Variants in SRGAP2 observed in about 807,000 individuals in gnomAD.
SRGAP2 encodes SLIT-ROBO Rho GTPase activating protein 2, also known as SLIT-ROBO Rho GTPase-activating protein 2.
SRGAP2 carries 15 observed loss-of-function variants against 57.2 expected under a neutral mutation model. The ratio of observed to expected loss-of-function variants is 0.26; its 90% confidence interval spans 0.18 to 0.40. The LOEUF is 0.40. SRGAP2 is among the 10% of genes least tolerant of loss of function. The pLI is 1.00. For synonymous variants in SRGAP2, 249 were observed against 248.0 expected (o/e 1.00, Z -0.04); for missense variants, 520 against 669.6 (o/e 0.78, Z 2.47).
At chr1:206,284,878 T>A (rs1670933535) in intron 2 of SRGAP2, among the ~76,000 whole-genome samples, 2 of 152,354 alleles carry the variant, frequency 1.3e-5, no homozygotes, top group Non-Finnish European at 2.9e-5. Flanking sequence ...AAAACCACCA[T>A]GGCCTAGATA....
rs544159308 is a variant in SRGAP2, at chr1:206,255,618, G to A, written c.68-47663G>A. The stretch of plus-strand genomic sequence containing the variant: ...CAGATCCTTGACAGGAATTTTGAAT[G>A]GTCCCAAATGTGGTAAATCGCTGGT... On this transcript the variant is annotated intron_variant, in intron 2 of 22. Transcript: ENST00000573034. 1.4e-4 allele frequency among the ~76,000 whole-genome samples: 19 copies of A among 133,538 alleles called. No homozygotes were observed. The East Asian group carries it at 4.3e-3, about 30-fold the overall frequency. 87.6% of individuals were successfully genotyped at this position (133,538 alleles called of 152,430 possible). A position where few individuals can be genotyped will look rare whatever the true frequency, so the allele number is the denominator to read the frequency against.
At chr1:206,312,985 TA>T in intron 3 of SRGAP2, among the ~76,000 whole-genome samples, 1 of 152,354 alleles carries the variant, frequency 6.6e-6, no homozygotes, top group African/African-American at 2.4e-5. Flanking sequence ...AGACTTGCTG[TA>T]AATTACCTTT....
intron 13 of SRGAP2, among the ~76,000 whole-genome samples, chr1:206,424,080 A>G (rs1313198385): frequency 6.7e-6 from 1 of 148,820 alleles, no homozygotes. Flanking sequence ...GGCGTGAGCC[A>G]CCACGCCCGG....
intron 11 of SRGAP2, among the ~76,000 whole-genome samples, chr1:206,418,884 C>CTG (rs1660003619): frequency 9.2e-6 from 1 of 109,094 alleles, no homozygotes; most frequent in South Asian, 3.2e-4. Context: ...GCCTCCAACT[C>CTG]TCTCTGTGTG....
intron 5 of SRGAP2, among the ~76,000 whole-genome samples, chr1:206,384,365 A>G (rs1655984604): frequency 1.3e-5 from 2 of 152,162 alleles, no homozygotes; most frequent in Non-Finnish European, 2.9e-5. Flanking sequence ...CATTGGCACA[A>G]TGGACCCTGT....
At chr1:206,447,738 C>T (rs573940063) in intron 18 of SRGAP2, among the ~76,000 whole-genome samples, 9 of 152,306 alleles carry the variant, frequency 5.9e-5, no homozygotes, top group Admixed American at 1.3e-4. Flanking sequence ...GCAGAACCTC[C>T]GCCCTCACTT....
At chr1:206,261,428 A>C (rs1245609263) in intron 2 of SRGAP2, among the ~76,000 whole-genome samples, 1 of 152,012 alleles carries the variant, frequency 6.6e-6, no homozygotes, top group Non-Finnish European at 1.5e-5. Flanking sequence ...TGACTTGCTA[A>C]TTGTCTTATT....
At chr1:206,207,219 T>A (rs1665995529) in intron 2 of SRGAP2, 1 of 150,668 alleles carries the variant, frequency 6.6e-6, no homozygotes, top group Non-Finnish European at 1.5e-5. Context: ...GGCTCCCCTC[T>A]AATGATTGCT....
At chr1:206,452,136 A>G (rs1175438413) in intron 19 of SRGAP2, among the ~76,000 whole-genome samples, 1 of 152,246 alleles carries the variant, frequency 6.6e-6, no homozygotes, top group Non-Finnish European at 1.5e-5. Flanking sequence ...GCACTTTTAC[A>G]AATTGTAATT....
At chr1:206,278,361 T>A (rs1433534875) in intron 2 of SRGAP2, among the ~76,000 whole-genome samples, 5 of 146,624 alleles carry the variant, frequency 3.4e-5, no homozygotes, top group Non-Finnish European at 7.6e-5. Flanking sequence ...TTTTTTTTTT[T>A]AAAGAGACAA....
At chr1:206,227,144 TCA>T (rs558498283) in intron 2 of SRGAP2, among the ~76,000 whole-genome samples, 2,190 of 151,428 alleles carry the variant, frequency 0.014, 72 homozygotes, top group African/African-American at 0.051. Context: ...GTCATACCAA[TCA>T]CACTATTTTG....
chr1:206,240,934 A>G (rs1235191344), intron 2 of SRGAP2, among the ~76,000 whole-genome samples: 2 of 152,116 alleles, frequency 1.3e-5, no homozygotes, highest in South Asian at 2.1e-4. Context: ...CTGTAATCCC[A>G]CCACTTTGGG....
At position 206,415,806 on chromosome 1, in the gene SRGAP2, GGGAATT is replaced by G; in HGVS notation, c.1357-81_1357-76del. The G allele has an allele frequency of 5.6e-6, 4 of 711,020 alleles. 1 individual carries two copies. The South Asian group carries it at 5.9e-5, about 11-fold the overall frequency. 44.0% of individuals were successfully genotyped at this position (711,020 alleles called of 1,614,324 possible). On this transcript the variant is annotated intron_variant, in intron 10 of 22. Coordinates refer to ENST00000573034, the MANE Select transcript of SRGAP2 (RefSeq NM_015326.5). ...CAGAAACCAAATGACCTCTATATAG[GGGAATT>G]GTCCAGCTGAGCATCTGTGATTTTT...
intron 8 of SRGAP2, among the ~76,000 whole-genome samples, chr1:206,402,080 A>G (rs1658242019): frequency 6.6e-6 from 1 of 152,016 alleles, no homozygotes; most frequent in Non-Finnish European, 1.5e-5. Flanking sequence ...AGGTGGGGCC[A>G]CATCCTAGAG....
At chr1:206,448,897 C>T (rs1365346482) in intron 18 of SRGAP2, among the ~76,000 whole-genome samples, 3 of 152,228 alleles carry the variant, frequency 2.0e-5, no homozygotes, top group African/African-American at 7.2e-5. Context: ...AGAATGTTCT[C>T]TGGAGCCTGG....
intron 11 of SRGAP2, among the ~76,000 whole-genome samples, chr1:206,416,410 G>A (rs1196016119): frequency 2.0e-5 from 3 of 152,216 alleles, no homozygotes; most frequent in Non-Finnish European, 4.4e-5. Context: ...AAATGCAGGA[G>A]GGATGGACAG....
chr1:206,361,733 T>C (rs2102993624), intron 4 of SRGAP2, among the ~76,000 whole-genome samples: 1 of 131,782 alleles, frequency 7.6e-6, no homozygotes, highest in East Asian at 2.1e-4. Context: ...TAGACTCATA[T>C]CAAATCCTGT....
At chr1:206,334,497 G>C (rs1391540070) in intron 3 of SRGAP2, among the ~76,000 whole-genome samples, 1 of 152,040 alleles carries the variant, frequency 6.6e-6, no homozygotes, top group Non-Finnish European at 1.5e-5. Context: ...CATGTAAGGG[G>C]ACTCATTGTC....
At chr1:206,440,932 CAG>C (rs1378236271) in intron 17 of SRGAP2, among the ~76,000 whole-genome samples, 1 of 152,162 alleles carries the variant, frequency 6.6e-6, no homozygotes, top group Non-Finnish European at 1.5e-5. Flanking sequence ...TGAAGAGAAA[CAG>C]GGAGACCCTA....
Sources: gnomAD v4.1 joint callset for allele counts (sites outside exome capture counted in the v4.1 genomes callset) on GRCh38, gnomAD v4.1.1 for gene constraint, MANE v1.5 for transcripts, NCBI Gene and HGNC (gene_info 2026-07-23, HGNC 2026-07-21) for gene names.